The following UNC5C variants were observed in gnomAD, a reference collection of about 807,000 sequenced individuals.
The protein encoded by UNC5C is netrin receptor UNC5C.
UNC5C carries 47 observed loss-of-function variants against 99.8 expected under a neutral mutation model. The observed-to-expected ratio is 0.47, with a 90% CI of 0.37 to 0.60. The LOEUF (loss-of-function observed/expected upper bound fraction) is 0.60. Ranked by LOEUF, UNC5C falls within the 20% of genes least tolerant of loss-of-function variation. The probability of loss-of-function intolerance (pLI) is 0.00; values close to 1 mark genes in which losing one functional copy is unlikely to be tolerated. For missense variants in UNC5C, 1,062 were observed against 1,165.9 expected, an observed-to-expected ratio of 0.91 and a Z score of 1.30; for synonymous variants, 487 against 452.2, an observed-to-expected ratio of 1.08 and a Z score of -0.98.
Position 95,176,635 on chromosome 4 carries a change from C to A in UNC5C, c.2451+6262G>T, listed in dbSNP as rs1389213466. On this transcript the variant is annotated intron_variant, in intron 14 of 15. Transcript: ENST00000453304. ...CAGCTGCGTGCTGGGAGAACCACTGCTCTCTTCAAAGCTGTCTGACAGGGA... is the reference window on the plus strand; with the variant it reads ...CAGCTGCGTGCTGGGAGAACCACTGATCTCTTCAAAGCTGTCTGACAGGGA... Among the ~76,000 whole-genome samples, 4 of 152,300 alleles carry A rather than the reference C, an allele frequency of 2.6e-5. No individual in the cohort carries two copies. In the East Asian group the frequency reaches 7.7e-4, roughly 29 times the overall value.
chr4:95,182,357 A>AATG (rs553114700), intron 14 of UNC5C, among the ~76,000 whole-genome samples: 1 of 152,052 alleles, frequency 6.6e-6, no homozygotes, highest in Non-Finnish European at 1.5e-5. Context: ...ATATTTAGAG[A>AATG]ATGATAGAGA....
chr4:95,494,528 G>C (rs982479519), intron 1 of UNC5C, among the ~76,000 whole-genome samples: 1 of 151,268 alleles, frequency 6.6e-6, no homozygotes, highest in Non-Finnish European at 1.5e-5. Flanking sequence ...GAAAGAAAGT[G>C]CACAAATGCC....
At chr4:95,385,368 TTG>T (rs1745185604) in intron 1 of UNC5C, among the ~76,000 whole-genome samples, 1 of 152,188 alleles carries the variant, frequency 6.6e-6, no homozygotes, top group Non-Finnish European at 1.5e-5. Flanking sequence ...TGTAAAAAAT[TTG>T]TGTTTTCATT....
At chr4:95,482,155 T>A (rs1271634310) in intron 1 of UNC5C, among the ~76,000 whole-genome samples, 2 of 151,748 alleles carry the variant, frequency 1.3e-5, no homozygotes. Context: ...CTCAAACAAA[T>A]TTACAAGAAA....
intron 12 of UNC5C, among the ~76,000 whole-genome samples, chr4:95,198,598 A>G (rs748614861): frequency 1.2e-4 from 19 of 152,298 alleles, no homozygotes; most frequent in Admixed American, 9.8e-4. Context: ...CTGGTAGGGC[A>G]GGATCCACAG....
Position 95,182,822 on chromosome 4 carries a change from C to A in UNC5C, c.2451+75G>T, listed in dbSNP as rs540764028. 42 of 1,486,420 alleles carry A rather than the reference C, an allele frequency of 2.8e-5. No homozygotes were observed. In the East Asian group the frequency reaches 7.3e-4, roughly 26 times the overall value. 92.1% of individuals were successfully genotyped at this position (1,486,420 alleles called of 1,614,324 possible). A position where few individuals can be genotyped will look rare whatever the true frequency, so the allele number is the denominator to read the frequency against. On this transcript the variant is annotated intron_variant, in intron 14 of 15. Coordinates refer to ENST00000453304, the MANE Select transcript of UNC5C (RefSeq NM_003728.4). ...TTCCCATATGGACTATGTTGAGATA[C>A]CCTTTTAGCCCACACACTCTGTCTT... is the stretch of plus-strand genomic sequence containing the variant.
chr4:95,382,279 C>T, intron 1 of UNC5C, among the ~76,000 whole-genome samples: 1 of 151,920 alleles, frequency 6.6e-6, no homozygotes, highest in East Asian at 1.9e-4. Flanking sequence ...TTGAGACCAG[C>T]TTGGGCAACA....
chr4:95,201,609 C>CTT (rs748815532), intron 12 of UNC5C, among the ~76,000 whole-genome samples: 3 of 144,896 alleles, frequency 2.1e-5, no homozygotes, highest in Non-Finnish European at 1.5e-5. Context: ...AGAGAGTCTT[C>CTT]TTTTTTTTTT....
chr4:95,354,479 A>ATATATATATATATATATTT, intron 1 of UNC5C, among the ~76,000 whole-genome samples: 2,440 of 109,860 alleles, frequency 0.022, 53 homozygotes, highest in African/African-American at 0.041. Flanking sequence ...ATATATATAT[A>ATATATATATATATATATTT]TTTTTTTTTT....
At chr4:95,349,334 TGTGTGTGG>T (rs1579347483) in intron 1 of UNC5C, among the ~76,000 whole-genome samples, 2 of 132,560 alleles carry the variant, frequency 1.5e-5, no homozygotes, top group Admixed American at 1.4e-4. Context: ...TGTGTGTGTG[TGTGTGTGG>T]GTGTGTGTGG....
In UNC5C at chr4:95,242,450, T is replaced by G; in HGVS notation, c.1087A>C (p.Thr363Pro). The change falls in exon 7 of 16, where the codon ACT becomes CCT. Residue 363 changes from threonine (T) to proline (P), a missense_variant. Thr to Pro is a conservative substitution (Grantham distance 38, BLOSUM62 -1). This residue lies in a region of UNC5C where 810 missense variants were observed against 854.5 expected (regional missense o/e 0.95). Transcript: ENST00000453304. ...TTACTCTGCATGCAAAGCCCATCAG[T>G]GCAGTTCTTGGATTGCAAGACGAGG... ...DGLVLQSKNC[T>P]DGLCMQTAPD... 6.2e-7 allele frequency: 1 copy of G among 1,614,190 alleles called. No homozygotes were observed. The highest frequency in any genetic ancestry group is 2.2e-5 in the East Asian group (1 of 44,870).
chr4:95,324,882 T>C (rs1242246884), intron 2 of UNC5C, among the ~76,000 whole-genome samples: 4 of 152,198 alleles, frequency 2.6e-5, no homozygotes, highest in African/African-American at 4.8e-5. Flanking sequence ...ATTTCTGTTC[T>C]TTATAAACTA....
chr4:95,458,035 T>A (rs1212926922), intron 1 of UNC5C, among the ~76,000 whole-genome samples: 1 of 152,148 alleles, frequency 6.6e-6, no homozygotes, highest in Non-Finnish European at 1.5e-5. Flanking sequence ...GTCCACAATT[T>A]CCAATCTAAG....
At chr4:95,531,283 T>C (rs1228477045) in intron 1 of UNC5C, among the ~76,000 whole-genome samples, 1 of 152,216 alleles carries the variant, frequency 6.6e-6, no homozygotes, top group Non-Finnish European at 1.5e-5. Flanking sequence ...CATTCCATTA[T>C]GGGCACCTGC....
chr4:95,352,079 A>C (rs1370473058), intron 1 of UNC5C, among the ~76,000 whole-genome samples: 3 of 152,084 alleles, frequency 2.0e-5, no homozygotes, highest in Non-Finnish European at 4.4e-5. Flanking sequence ...CTGTGGCTTC[A>C]GTTAGCAGAT....
chr4:95,439,155 TACAGGCCC>T (rs1170000251), intron 1 of UNC5C, among the ~76,000 whole-genome samples: 1 of 152,190 alleles, frequency 6.6e-6, no homozygotes, highest in African/African-American at 2.4e-5. Flanking sequence ...ATTTTTCTTT[TACAGGCCC>T]TTGCAGTAAG....
intron 1 of UNC5C, among the ~76,000 whole-genome samples, chr4:95,360,284 T>G (rs555443493): frequency 3.5e-4 from 54 of 152,296 alleles, no homozygotes; most frequent in African/African-American, 1.2e-3. Flanking sequence ...TAAAAATGTT[T>G]TAAAAGTTAT....
chr4:95,372,909 T>C (rs1744788407), intron 1 of UNC5C, among the ~76,000 whole-genome samples: 1 of 152,138 alleles, frequency 6.6e-6, no homozygotes, highest in African/African-American at 2.4e-5. Context: ...TAGGTCCTGA[T>C]CAGGAAGAAT....
intron 1 of UNC5C, among the ~76,000 whole-genome samples, chr4:95,447,674 T>C (rs540622133): frequency 1.3e-5 from 2 of 152,236 alleles, no homozygotes; most frequent in East Asian, 1.9e-4. Flanking sequence ...CTAACTTTTG[T>C]ATTTTTAGTA....
Sources: allele counts gnomAD v4.1 joint callset (sites outside exome capture counted in the v4.1 genomes callset), GRCh38; gene constraint gnomAD v4.1.1; regional missense constraint gnomAD v4.1.1; transcripts MANE v1.5; gene names NCBI Gene and HGNC (gene_info 2026-07-23, HGNC 2026-07-21).